The following INTS7 variants were observed in gnomAD, a reference collection of about 807,000 sequenced individuals.
The protein encoded by INTS7 is integrator complex subunit 7.
In INTS7, 46 loss-of-function variants were observed where a neutral mutation model predicts 109.2. That is an observed-to-expected ratio of 0.42 (90% CI 0.33 to 0.54). The LOEUF (loss-of-function observed/expected upper bound fraction) is 0.54. INTS7 is among the 20% of genes least tolerant of loss of function. The pLI, the probability that INTS7 is intolerant of heterozygous loss-of-function variation, is 0.07. For synonymous variants in INTS7, 412 were observed against 402.9 expected, an observed-to-expected ratio of 1.02 and a Z score of -0.27; for missense variants, 929 against 1,132.4, an observed-to-expected ratio of 0.82 and a Z score of 2.58.
chr1:212,026,776 G>A (rs903365830), intron 1 of INTS7, among the ~76,000 whole-genome samples: 1 of 152,164 alleles, frequency 6.6e-6, no homozygotes, highest in Non-Finnish European at 1.5e-5. Context: ...TAGATACAAA[G>A]GATGGTAAAG....
intron 8 of INTS7, among the ~76,000 whole-genome samples, chr1:211,985,671 G>A (rs570305147): frequency 2.6e-5 from 4 of 152,290 alleles, no homozygotes; most frequent in African/African-American, 9.6e-5. Flanking sequence ...GAGTCAGACC[G>A]CTGAGTTCAG....
chr1:211,988,170 C>T (rs962385318), intron 7 of INTS7, among the ~76,000 whole-genome samples, 167 bp from the exon 8 acceptor site: 6 of 151,962 alleles, frequency 3.9e-5, no homozygotes, highest in African/African-American at 1.5e-4. Flanking sequence ...TTCTGGTAAT[C>T]CCACCAGTTT....
intron 3 of INTS7, among the ~76,000 whole-genome samples, chr1:212,019,610 T>C (rs1489675321): frequency 1.3e-5 from 2 of 152,178 alleles, no homozygotes; most frequent in African/African-American, 4.8e-5. Context: ...AAGCTGGATA[T>C]AAGGCTTACA....
intron 8 of INTS7, among the ~76,000 whole-genome samples, chr1:211,985,650 AAG>A (rs931588012): frequency 1.8e-4 from 28 of 152,336 alleles, no homozygotes; most frequent in African/African-American, 5.5e-4. Context: ...TGGTACAAAA[AAG>A]AGAATTCTGA....
chr1:211,966,529 T>C (rs78568869), intron 15 of INTS7, 31 bp from the exon 16 acceptor site: 27,698 of 1,429,854 alleles, frequency 0.019, 350 homozygotes, highest in African/African-American at 0.024. Flanking sequence ...CATACGAAAA[T>C]AGAGAAGAAA....
chr1:212,024,411 C>T (rs114128634), intron 1 of INTS7, among the ~76,000 whole-genome samples: 3 of 152,186 alleles, frequency 2.0e-5, no homozygotes, highest in African/African-American at 2.4e-5. Context: ...TTGTAGAGAT[C>T]TTTCACCTCC....
At chr1:212,024,412 T>G (rs1032737672) in intron 1 of INTS7, among the ~76,000 whole-genome samples, 1 of 152,192 alleles carries the variant, frequency 6.6e-6, no homozygotes, top group African/African-American at 2.4e-5. Flanking sequence ...TGTAGAGATC[T>G]TTCACCTCCT....
At chr1:212,027,971 C>T (rs1351782464) in intron 1 of INTS7, among the ~76,000 whole-genome samples, 1 of 152,106 alleles carries the variant, frequency 6.6e-6, no homozygotes, top group Non-Finnish European at 1.5e-5. Flanking sequence ...GGATTATAGG[C>T]GTGCACCATC....
At chr1:212,010,030 C>T (rs909456140) in intron 5 of INTS7, among the ~76,000 whole-genome samples, 1 of 152,220 alleles carries the variant, frequency 6.6e-6, no homozygotes, top group Non-Finnish European at 1.5e-5. Flanking sequence ...TAGAAGGGCA[C>T]AGTAGCATAA....
intron 16 of INTS7, among the ~76,000 whole-genome samples, chr1:211,964,808 C>A (rs1051926088): frequency 1.3e-5 from 2 of 152,126 alleles, no homozygotes; most frequent in Non-Finnish European, 2.9e-5. Flanking sequence ...ACACCACAGA[C>A]AAAAATCAAC....
intron 7 of INTS7, among the ~76,000 whole-genome samples, chr1:211,991,762 G>A (rs987015814): frequency 3.9e-5 from 6 of 152,202 alleles, no homozygotes; most frequent in African/African-American, 1.4e-4. Flanking sequence ...AAGGCCATAA[G>A]AATGACAGAA....
At chr1:211,969,149 G>C (rs1024302433) in intron 13 of INTS7, among the ~76,000 whole-genome samples, 1 of 151,936 alleles carries the variant, frequency 6.6e-6, no homozygotes, top group African/African-American at 2.4e-5. Flanking sequence ...GCTGGGCGTT[G>C]TGGCGGGTGC....
chr1:211,993,166 A>AG (rs1435314139), intron 7 of INTS7, among the ~76,000 whole-genome samples: 1 of 152,266 alleles, frequency 6.6e-6, no homozygotes, highest in African/African-American at 2.4e-5. Flanking sequence ...GAATACCTCA[A>AG]AACTTTCTGT....
chr1:212,025,785 A>C (rs1025182142), intron 1 of INTS7: 1 of 152,180 alleles, frequency 6.6e-6, no homozygotes, highest in Non-Finnish European at 1.5e-5. Context: ...ACCAGTCACA[A>C]AATGCTGATT....
In INTS7 at chr1:211,976,665, T is replaced by C. The variant is rs73091070; in HGVS notation, c.1525A>G (p.Ser509Gly). 1 of 1,613,930 alleles carries C rather than the reference T, an allele frequency of 6.2e-7. No individual in the cohort carries two copies. The highest frequency in any genetic ancestry group is 1.3e-5 in the African/African-American group (1 of 75,030). ...VASQKALSVE[S>G]KAVIKQQLES... ...AGCTGCTGCTTAATTACTGCCTTAC[T>C]TTCCACAGACAATGCCTTCTGACTT... Residue 509 changes from serine (S) to glycine (G), a missense_variant, in exon 12 of 20, where the codon AGT becomes GGT. This residue lies in a region of INTS7 where 787 missense variants were observed against 901.1 expected (regional missense o/e 0.87). Coordinates refer to ENST00000366994, the MANE Select transcript of INTS7 (RefSeq NM_015434.4).
intron 1 of INTS7, among the ~76,000 whole-genome samples, chr1:212,033,227 C>A (rs963004742): frequency 4.6e-5 from 7 of 152,140 alleles, no homozygotes; most frequent in Non-Finnish European, 1.0e-4. Context: ...GCCTTCTGAC[C>A]TTTAGCTCAC....
intron 7 of INTS7, among the ~76,000 whole-genome samples, chr1:212,005,706 A>AT (rs1473003804): frequency 1.3e-5 from 2 of 152,206 alleles, no homozygotes; most frequent in African/African-American, 4.8e-5. Context: ...AGAAAAAGCA[A>AT]TAAGACTAGG....
chr1:211,953,174 T>C (rs1214388504), intron 16 of INTS7, among the ~76,000 whole-genome samples: 1 of 152,136 alleles, frequency 6.6e-6, no homozygotes, highest in Non-Finnish European at 1.5e-5. Context: ...TTTGGAGAGA[T>C]GGAAAGTACA....
chr1:212,007,920 T>C (rs2102469499), intron 5 of INTS7, among the ~76,000 whole-genome samples: 1 of 152,334 alleles, frequency 6.6e-6, no homozygotes, highest in African/African-American at 2.4e-5. Flanking sequence ...CTTTGTGTAG[T>C]AAATGCCTTT....
Sources: gnomAD v4.1 joint callset for allele counts (sites outside exome capture counted in the v4.1 genomes callset) on GRCh38, gnomAD v4.1.1 for gene constraint, gnomAD v4.1.1 regional missense constraint, MANE v1.5 for transcripts, NCBI Gene and HGNC (gene_info 2026-07-23, HGNC 2026-07-21) for gene names.